The following GLB1 variants were observed in gnomAD, a reference collection of about 807,000 sequenced individuals.
GLB1 encodes the protein beta-galactosidase.
In GLB1, 56 loss-of-function variants were observed where a neutral mutation model predicts 74.0. The observed-to-expected ratio is 0.76, with a 90% CI of 0.61 to 0.94. The LOEUF (loss-of-function observed/expected upper bound fraction) is 0.94, where lower values mean the gene tolerates loss of function less well. Ranked by LOEUF, GLB1 falls within the 40% of genes least tolerant of loss-of-function variation. GLB1 has a pLI of 0.00. For synonymous variants in GLB1, 323 were observed against 323.6 expected, an observed-to-expected ratio of 1.00 and a Z score of 0.02; for missense variants, 787 against 845.5, an observed-to-expected ratio of 0.93 and a Z score of 0.86.
intron 10 of GLB1, among the ~76,000 whole-genome samples, chr3:33,041,652 C>A (rs1165158698): frequency 5.8e-5 from 8 of 136,824 alleles, no homozygotes; most frequent in African/African-American, 2.1e-4. Flanking sequence ...CAGAGTGAGA[C>A]CCTGTCTTCA....
At chr3:33,094,673 C>T (rs1219920260) in intron 1 of GLB1, among the ~76,000 whole-genome samples, 2 of 11,430 alleles carry the variant, frequency 1.7e-4, no homozygotes, top group African/African-American at 3.1e-4. Flanking sequence ...TCCATTCTCA[C>T]TCTGTCCTGA....
chr3:32,986,165 C>G, the GLB1 span, among the ~76,000 whole-genome samples: 1 of 152,248 alleles, frequency 6.6e-6, no homozygotes, highest in African/African-American at 2.4e-5. Flanking sequence ...GGTAGCTGCT[C>G]TGTCGGCTGC....
In GLB1 at chr3:33,093,871, C is replaced by T. The variant is rs753310371; in HGVS notation, c.75+3140G>A. On this transcript the variant is annotated intron_variant, in intron 1 of 15. Transcript: ENST00000307363. The surrounding 1 kb of genome is among the most constrained non-coding windows in gnomAD (Gnocchi z 6.0). ...GCCAAGGAAAAGAGATAGGGCTCTT[C>T]GGCCACTAAAAAGAACATGGTAAAG... 1.2e-5 allele frequency: 20 copies of T among 1,613,674 alleles called. No homozygotes were observed. Among genetic ancestry groups the T allele is most frequent in the African/African-American group, 8.0e-5 (6 of 75,048 alleles).
chr3:33,088,954 T>C (rs991050762), intron 1 of GLB1, among the ~76,000 whole-genome samples: 9 of 152,162 alleles, frequency 5.9e-5, no homozygotes, highest in Non-Finnish European at 7.4e-5. Flanking sequence ...AATGAGAGGA[T>C]AGAACACCAA....
chr3:33,039,949 C>T (rs1347374303), intron 10 of GLB1, among the ~76,000 whole-genome samples: 2 of 152,172 alleles, frequency 1.3e-5, no homozygotes, highest in Non-Finnish European at 2.9e-5. Context: ...GGAGGTCATA[C>T]ATACAAATAT....
At chr3:33,024,057 C>G (rs1464956468) in intron 11 of GLB1, among the ~76,000 whole-genome samples, 194 bp downstream of exon 11, 4 of 152,192 alleles carry the variant, frequency 2.6e-5, no homozygotes, top group African/African-American at 9.7e-5. Context: ...TGTCAACAGG[C>G]ATGAGTATCT....
At chr3:33,065,615 G>A in intron 4 of GLB1, 58 bp from the exon 5 acceptor site, 1 of 1,534,896 alleles carries the variant, frequency 6.5e-7, no homozygotes, top group Non-Finnish European at 8.8e-7. Flanking sequence ...TAAGCCACAT[G>A]CAGCCCAGGA....
At position 33,021,796 on chromosome 3, in the gene GLB1, T is replaced by C. The variant is rs536787252; in HGVS notation, c.1144-141A>G. 3.6e-5 allele frequency: 34 copies of C among 937,438 alleles called. No individual in the cohort carries two copies. In the African/African-American group the frequency reaches 4.2e-4, roughly 12 times the overall value. The allele number at this position is 937,438 out of a possible 1,614,324, so 58.1% of individuals were successfully genotyped here. A position where few individuals can be genotyped will look rare whatever the true frequency, so the allele number is the denominator to read the frequency against. ...CCTAAATCATTCAAATTCCACTCAG[T>C]ATTGCTTCCCAGTCTCCTTCAGTCC... On this transcript the variant is annotated intron_variant, in intron 11 of 15. Transcript: ENST00000307363.
intron 9 of GLB1, among the ~76,000 whole-genome samples, chr3:33,050,704 G>C (rs1294949047): frequency 6.6e-6 from 1 of 152,106 alleles, no homozygotes; most frequent in Non-Finnish European, 1.5e-5. Context: ...TTAGATAATG[G>C]TAATGGTTAC....
In GLB1 at chr3:33,039,243, T is replaced by A. The variant is rs1698405109; in HGVS notation, c.1068+6877A>T. ...AGGTGGAGGTTGCGGTGAGCTGAGA[T>A]CACACCACTGCACTCCAGCCTGGGC... is the stretch of plus-strand genomic sequence containing the variant. On this transcript the variant is annotated intron_variant, in intron 10 of 15. Transcript: ENST00000307363. Among the ~76,000 whole-genome samples, 3 of 127,880 alleles carry A rather than the reference T, an allele frequency of 2.3e-5. No homozygotes were observed. In the Admixed American group the frequency reaches 3.0e-4, roughly 13 times the overall value. The allele number at this position is 127,880 out of a possible 152,430, so 83.9% of individuals were successfully genotyped here.
rs545617806 is a variant in GLB1, at chr3:33,079,976, A to C, written c.76-7263T>G. On this transcript the variant is annotated intron_variant, in intron 1 of 15. Transcript: ENST00000307363. ...TTTTCAAATTTTCTGTAGAGATAGG[A>C]TCTCACTATGTTGCCCAGGCTGGTC... Among the ~76,000 whole-genome samples the C allele has an allele frequency of 3.3e-5, 5 of 152,180 alleles. No individual in the cohort carries two copies. In the South Asian group the frequency reaches 1.0e-3, roughly 32 times the overall value.
chr3:33,052,251 ATTAAAAT>A (rs1699025377), intron 7 of GLB1, among the ~76,000 whole-genome samples: 1 of 152,208 alleles, frequency 6.6e-6, no homozygotes, highest in Non-Finnish European at 1.5e-5. Context: ...TGGTGCCTAT[ATTAAAAT>A]TTAGATAGCT....
At chr3:33,064,904 G>A (rs1162213098) in intron 5 of GLB1, among the ~76,000 whole-genome samples, 1 of 151,570 alleles carries the variant, frequency 6.6e-6, no homozygotes, top group Non-Finnish European at 1.5e-5. Context: ...GTACCCCACA[G>A]TATATTAGTC....
At chr3:32,986,542 C>T in the GLB1 span, among the ~76,000 whole-genome samples, 6 of 152,010 alleles carry the variant, frequency 3.9e-5, no homozygotes, top group South Asian at 2.1e-4. Context: ...CCTATGTCGC[C>T]GTGAATGGTC....
At chr3:33,038,698 G>A (rs59139633) in intron 10 of GLB1, among the ~76,000 whole-genome samples, 1 of 152,080 alleles carries the variant, frequency 6.6e-6, no homozygotes, top group Non-Finnish European at 1.5e-5. Context: ...TCAGAGATCA[G>A]AACGGAGAAA....
chr3:33,061,049 T>C (rs1443725488), intron 5 of GLB1, among the ~76,000 whole-genome samples: 2 of 152,098 alleles, frequency 1.3e-5, no homozygotes, highest in East Asian at 1.9e-4. Context: ...GAAAAACCCA[T>C]AGAAAAAGTC....
Position 33,093,833 on chromosome 3 carries a change from G to C in GLB1, c.75+3178C>G. On this transcript the variant is annotated intron_variant, in intron 1 of 15. Coordinates refer to ENST00000307363, the MANE Select transcript of GLB1 (RefSeq NM_000404.4). The surrounding 1 kb of genome is among the most constrained non-coding windows in gnomAD (Gnocchi z 6.0). ...AGAGCATGATGATGTAAGCACCCAG[G>C]CAGGAGTAGGCCGCCAAGGAAAAGA... 6.2e-7 allele frequency: 1 copy of C among 1,613,590 alleles called. No individual in the cohort carries two copies. The highest frequency in any genetic ancestry group is 8.5e-7 in the Non-Finnish European group (1 of 1,179,736).
chr3:32,989,853 A>C, the GLB1 span, among the ~76,000 whole-genome samples: 5 of 152,196 alleles, frequency 3.3e-5, no homozygotes, highest in African/African-American at 1.2e-4. Flanking sequence ...CTGTAAACTG[A>C]GCTGCATGCC....
At position 33,089,810 on chromosome 3, in the gene GLB1, C is replaced by A. The variant is rs118179863; in HGVS notation, c.75+7201G>T. On this transcript the variant is annotated intron_variant, in intron 1 of 15. Transcript: ENST00000307363. Reference sequence around the variant, plus strand: ...TATAGATTTGCAAGATGAAAAAGTTCTACAGATCAATTAGATCAATTTCAC... The same window carrying A: ...TATAGATTTGCAAGATGAAAAAGTTATACAGATCAATTAGATCAATTTCAC... Among the ~76,000 whole-genome samples the A allele has an allele frequency of 2.2e-3, 336 of 152,278 alleles. 7 individuals are homozygous for A. In the South Asian group the frequency reaches 0.041, roughly 19 times the overall value.
Sources: allele counts gnomAD v4.1 joint callset (sites outside exome capture counted in the v4.1 genomes callset), GRCh38; gene constraint gnomAD v4.1.1; non-coding constraint Gnocchi (gnomAD v3.1); transcripts MANE v1.5; gene names NCBI Gene and HGNC (gene_info 2026-07-23, HGNC 2026-07-21).